Variants in CDH4 observed in about 807,000 individuals in gnomAD.
CDH4 encodes the protein cadherin 4.
A neutral mutation model predicts 86.0 loss-of-function variants in CDH4; 33 were observed. That is an observed-to-expected ratio of 0.38 (90% CI 0.29 to 0.51). CDH4 has a LOEUF of 0.51. Among genes scored for constraint, CDH4 ranks in the 20% least tolerant of loss-of-function variants. The probability of loss-of-function intolerance (pLI) is 0.86; values close to 1 mark genes in which losing one functional copy is unlikely to be tolerated. For synonymous variants in CDH4, 555 were observed against 549.4 expected (o/e 1.01, Z -0.14); for missense variants, 1,114 against 1,307.4 (o/e 0.85, Z 2.28).
chr20:61,258,735 TC>T (rs754790741), intron 2 of CDH4, among the ~76,000 whole-genome samples: 2 of 152,212 alleles, frequency 1.3e-5, no homozygotes, highest in Non-Finnish European at 2.9e-5. Flanking sequence ...ATCCTCTTCT[TC>T]CATTCTGCCA....
intron 2 of CDH4, among the ~76,000 whole-genome samples, chr20:61,261,175 AAGTCAGTGGTTCCTT>A (rs1386510976): frequency 6.6e-6 from 1 of 152,178 alleles, no homozygotes; most frequent in African/African-American, 2.4e-5. Flanking sequence ...CCAGATTCCT[AAGTCAGTGGTTCCTT>A]AGTCAGTGAT....
At chr20:61,496,156 T>C (rs2085660795) in intron 2 of CDH4, among the ~76,000 whole-genome samples, 1 of 152,024 alleles carries the variant, frequency 6.6e-6, no homozygotes, top group Non-Finnish European at 1.5e-5. Flanking sequence ...TCCCAGCACT[T>C]TGGGAGGCTG....
intron 2 of CDH4, chr20:61,719,884 C>T (rs1410153701): frequency 3.3e-5 from 5 of 152,310 alleles, no homozygotes; most frequent in African/African-American, 4.8e-5. Context: ...GATGAAGGCG[C>T]GGCTGGTGGG....
At chr20:61,930,980 GCCGCAGTGGAGGGCAT>G (rs2055101421) in intron 13 of CDH4, among the ~76,000 whole-genome samples, 2 of 152,234 alleles carry the variant, frequency 1.3e-5, no homozygotes, top group South Asian at 2.1e-4. Context: ...CTCGAGGGCA[GCCGCAGTGGAGGGCAT>G]CCGCAGTGGG....
chr20:61,895,032 A>G lies in CDH4; in HGVS notation c.1173A>G (p.Glu391=). ...TVTDVNDNPP[E]FTASTFAGEV... is the part of the protein sequence containing the mutation. Reference sequence around the variant, plus strand: ...CAGATGTGAATGACAACCCGCCAGAATTTACCGCCAGCACGGTGAGTCCCT... The same window carrying G: ...CAGATGTGAATGACAACCCGCCAGAGTTTACCGCCAGCACGGTGAGTCCCT... The change falls in exon 8 of 16, where the codon GAA becomes GAG. Residue 391 remains glutamate, a synonymous_variant. Coordinates refer to ENST00000614565, the MANE Select transcript of CDH4 (RefSeq NM_001794.5). The G allele has an allele frequency of 4.3e-6, 7 of 1,613,770 alleles. No individual in the cohort carries two copies. Among genetic ancestry groups the G allele is most frequent in the Non-Finnish European group, 5.1e-6 (6 of 1,179,980 alleles).
intron 2 of CDH4, among the ~76,000 whole-genome samples, chr20:61,343,630 C>T (rs2084661105): frequency 6.6e-6 from 1 of 152,124 alleles, no homozygotes; most frequent in Admixed American, 6.5e-5. Context: ...AACAAATGAC[C>T]CCAGGGTCTC....
chr20:61,571,744 C>T (rs951032849), intron 2 of CDH4, among the ~76,000 whole-genome samples: 1 of 151,328 alleles, frequency 6.6e-6, no homozygotes, highest in Non-Finnish European at 1.5e-5. Context: ...CTCCCCTTCT[C>T]ACTCTTTCCC....
chr20:61,850,921 C>T (rs1982691415), intron 5 of CDH4, among the ~76,000 whole-genome samples: 1 of 152,264 alleles, frequency 6.6e-6, no homozygotes, highest in Non-Finnish European at 1.5e-5. Flanking sequence ...TCCTCGTTAT[C>T]CGCACTCGCG....
At chr20:61,788,130 C>T (rs993972597) in intron 4 of CDH4, among the ~76,000 whole-genome samples, 9 of 152,152 alleles carry the variant, frequency 5.9e-5, no homozygotes, top group Non-Finnish European at 1.3e-4. Context: ...TACCAGAAGG[C>T]CAGGGGTGTT....
chr20:61,647,580 CCTCTCCTCT>C (rs2087078429), intron 2 of CDH4, among the ~76,000 whole-genome samples: 1 of 127,042 alleles, frequency 7.9e-6, no homozygotes, highest in Non-Finnish European at 1.8e-5. Flanking sequence ...CCTCCCTCCC[CCTCTCCTCT>C]CTCTCCTCAC....
intron 6 of CDH4, among the ~76,000 whole-genome samples, chr20:61,863,110 A>G (rs1308865404): frequency 6.6e-6 from 1 of 152,224 alleles, no homozygotes; most frequent in Non-Finnish European, 1.5e-5. Flanking sequence ...ATTAAACTGC[A>G]ATTGAAGGCT....
intron 2 of CDH4, among the ~76,000 whole-genome samples, chr20:61,669,979 G>A (rs957050341): frequency 3.3e-5 from 5 of 150,548 alleles, no homozygotes; most frequent in African/African-American, 4.9e-5. Context: ...TGTGTGGATC[G>A]GCCAGGCTGC....
At chr20:61,861,510 A>G (rs1024899429) in intron 6 of CDH4, among the ~76,000 whole-genome samples, 1 of 151,754 alleles carries the variant, frequency 6.6e-6, no homozygotes, top group African/African-American at 2.4e-5. Flanking sequence ...CCTGCTAACC[A>G]CTCTGCAAAC....
chr20:61,609,257 G>A (rs556989897), intron 2 of CDH4, among the ~76,000 whole-genome samples: 2 of 152,330 alleles, frequency 1.3e-5, no homozygotes, highest in South Asian at 2.1e-4. Flanking sequence ...GCGTGCTGAT[G>A]TGATGGCCAG....
At chr20:61,477,764 C>A (rs2085547026) in intron 2 of CDH4, among the ~76,000 whole-genome samples, 2 of 152,168 alleles carry the variant, frequency 1.3e-5, no homozygotes, top group Admixed American at 6.5e-5. Flanking sequence ...AGAATGACCT[C>A]CTCTTGGAAC....
intron 2 of CDH4, among the ~76,000 whole-genome samples, chr20:61,298,717 A>AT (rs1284906737): frequency 6.6e-6 from 1 of 151,580 alleles, no homozygotes; most frequent in Non-Finnish European, 1.5e-5. Context: ...AAAAAAAAAA[A>AT]AGAAAAAGAA....
At chr20:61,631,214 G>A (rs987167135) in intron 2 of CDH4, among the ~76,000 whole-genome samples, 5 of 152,224 alleles carry the variant, frequency 3.3e-5, no homozygotes, top group Non-Finnish European at 4.4e-5. Flanking sequence ...CACCGTGATG[G>A]CTGCTAGGCG....
chr20:61,348,708 G>A (rs1431141158), intron 2 of CDH4, among the ~76,000 whole-genome samples: 1 of 152,212 alleles, frequency 6.6e-6, no homozygotes, highest in Non-Finnish European at 1.5e-5. Context: ...GCAGGTGGAC[G>A]AGTGGGCAGA....
At chr20:61,762,133 G>A (rs1419880140) in intron 3 of CDH4, among the ~76,000 whole-genome samples, 1 of 152,234 alleles carries the variant, frequency 6.6e-6, no homozygotes, top group Non-Finnish European at 1.5e-5. Flanking sequence ...GCAGGTGGTG[G>A]ACTTCCCCAA....
Sources: gnomAD v4.1 joint callset for allele counts (sites outside exome capture counted in the v4.1 genomes callset) on GRCh38, gnomAD v4.1.1 for gene constraint, MANE v1.5 for transcripts, NCBI Gene and HGNC (gene_info 2026-07-23, HGNC 2026-07-21) for gene names.